TM9SF3: variants seen among roughly 807,000 people sequenced by gnomAD.
TM9SF3 encodes the protein transmembrane 9 superfamily member 3, also known as SM-11044-binding protein.
TM9SF3 carries 14 observed loss-of-function variants against 78.6 expected under a neutral mutation model. The observed-to-expected ratio is 0.18, with a 90% CI of 0.12 to 0.28. TM9SF3 has a LOEUF of 0.28. Among genes scored for constraint, TM9SF3 ranks in the 10% least tolerant of loss-of-function variants. The probability of loss-of-function intolerance (pLI) is 1.00; values close to 1 mark genes in which losing one functional copy is unlikely to be tolerated. For missense variants in TM9SF3, 496 were observed against 721.9 expected, an observed-to-expected ratio of 0.69 and a Z score of 3.59; for synonymous variants, 231 against 241.7, an observed-to-expected ratio of 0.96 and a Z score of 0.41.
Position 96,582,977 on chromosome 10 carries a change from G to A in TM9SF3, c.102+3757C>T, listed in dbSNP as rs148893730. On this transcript the variant is annotated intron_variant, in intron 1 of 14. Coordinates refer to ENST00000371142, the MANE Select transcript of TM9SF3 (RefSeq NM_020123.4). ...TGCCTGTAATCCCAGCTACTCAGGA[G>A]GCTGAGACAGGAGAATCGTTTGAAC... Among the ~76,000 whole-genome samples, 492 of 151,958 alleles carry A rather than the reference G, an allele frequency of 3.2e-3. 2 individuals carry two copies. Among genetic ancestry groups the A allele is most frequent in the African/African-American group, 0.011 (440 of 41,402 alleles).
chr10:96,522,222 GA>G lies in TM9SF3; in HGVS notation c.*40del, dbSNP rs766735419. The G allele has an allele frequency of 7.1e-6, 11 of 1,559,792 alleles. No individual in the cohort carries two copies. Among genetic ancestry groups the G allele is most frequent in the African/African-American group, 1.4e-5 (1 of 72,016 alleles). ...TTTGCTGTGCAAGTTCCACCCCTAT[GA>G]AAAAGAAATTGATCCAAAGTTCCAG... is the stretch of plus-strand genomic sequence containing the variant. On this transcript the variant is annotated 3_prime_UTR_variant, in exon 15 of 15. Transcript: ENST00000371142.
chr10:96,566,261 T>C lies in TM9SF3; in HGVS notation c.299-835A>G, dbSNP rs76650617. On this transcript the variant is annotated intron_variant, in intron 2 of 14. Coordinates refer to ENST00000371142, the MANE Select transcript of TM9SF3 (RefSeq NM_020123.4). Reference sequence around the variant, plus strand: ...AGCACAAGTTTGTTTTTAAGTTCTATACTATATTTGTACTATAATATTGGT... The same window carrying C: ...AGCACAAGTTTGTTTTTAAGTTCTACACTATATTTGTACTATAATATTGGT... Among the ~76,000 whole-genome samples, 71 of 152,380 alleles carry C rather than the reference T, an allele frequency of 4.7e-4. 1 individual carries two copies. Among genetic ancestry groups the C allele is most frequent in the African/African-American group, 1.6e-3 (65 of 41,600 alleles).
chr10:96,586,592 T>G (rs1009950850), intron 1 of TM9SF3, 142 bp downstream of exon 1: 1 of 643,074 alleles, frequency 1.6e-6, no homozygotes, highest in African/African-American at 1.9e-5. Flanking sequence ...AGGTTCCTGC[T>G]CCGCCAGGCC....
rs1326156080 is a variant in TM9SF3 at position 96,521,054 on chromosome 10, C to T, written c.*1209G>A. On this transcript the variant is annotated 3_prime_UTR_variant, in exon 15 of 15. Transcript: ENST00000371142. Reference sequence around the variant, plus strand: ...TTAGATGTTACTTAAGTGTCCCAGACAGGATTAACAAAATTAAGTGTCTCT... The same window carrying T: ...TTAGATGTTACTTAAGTGTCCCAGATAGGATTAACAAAATTAAGTGTCTCT... 2.6e-6 allele frequency: 1 copy of T among 391,846 alleles called. No homozygotes were observed. The highest frequency in any genetic ancestry group is 4.5e-6 in the Non-Finnish European group (1 of 221,068). 24.3% of individuals were successfully genotyped at this position (391,846 alleles called of 1,614,324 possible). A position where few individuals can be genotyped will look rare whatever the true frequency, so the allele number is the denominator to read the frequency against.
At chr10:96,580,146 G>T (rs993921849) in intron 1 of TM9SF3, among the ~76,000 whole-genome samples, 2 of 152,176 alleles carry the variant, frequency 1.3e-5, no homozygotes, top group African/African-American at 2.4e-5. Context: ...TCAGGCTACC[G>T]GCATTCTTCA....
At position 96,547,870 on chromosome 10, in the gene TM9SF3, C is replaced by T. The variant is rs1202298575; in HGVS notation, c.1054+25G>A. On this transcript the variant is annotated intron_variant, in intron 8 of 14. Transcript: ENST00000371142. ...AAATATTAGCATCTATAATTAACAA[C>T]ATGAAGTGAGAATTCGTAAGTTACC... The T allele has an allele frequency of 5.2e-6, 8 of 1,547,498 alleles. No homozygotes were observed. The African/African-American group carries it at 6.9e-5, about 13-fold the overall frequency.
intron 2 of TM9SF3, among the ~76,000 whole-genome samples, chr10:96,569,825 AG>A (rs1237912561): frequency 1.3e-5 from 2 of 152,172 alleles, no homozygotes; most frequent in Non-Finnish European, 2.9e-5. Context: ...CGAGGTCAGG[AG>A]ATCAAGACCA....
intron 1 of TM9SF3, among the ~76,000 whole-genome samples, chr10:96,579,296 C>T (rs562087628): frequency 1.1e-4 from 16 of 152,234 alleles, no homozygotes; most frequent in Middle Eastern, 3.4e-3. Flanking sequence ...TTGAATGAGA[C>T]GACCTATTAA....
At chr10:96,535,454 T>C (rs1847946448) in intron 9 of TM9SF3, among the ~76,000 whole-genome samples, 1 of 152,238 alleles carries the variant, frequency 6.6e-6, no homozygotes, top group Non-Finnish European at 1.5e-5. Flanking sequence ...ATTAGATTTG[T>C]ATTCATCACA....
chr10:96,586,613 G>A (rs1023846552), intron 1 of TM9SF3, 121 bp downstream of exon 1: 25 of 804,472 alleles, frequency 3.1e-5, no homozygotes, highest in Non-Finnish European at 3.9e-5. Flanking sequence ...CAACCGGAAG[G>A]AGTCCTCGGG....
chr10:96,558,368 G>A (rs887445143), intron 5 of TM9SF3, among the ~76,000 whole-genome samples: 3 of 152,076 alleles, frequency 2.0e-5, no homozygotes, highest in Non-Finnish European at 2.9e-5. Flanking sequence ...CAGGCAGGGC[G>A]CGGTGGCTCA....
chr10:96,526,309 A>G (rs1334589269), intron 14 of TM9SF3, among the ~76,000 whole-genome samples: 1 of 152,006 alleles, frequency 6.6e-6, no homozygotes. Flanking sequence ...GGTGCTTTAC[A>G]CACATGACAC....
chr10:96,557,452 C>T (rs1848247929), intron 5 of TM9SF3, among the ~76,000 whole-genome samples: 1 of 152,232 alleles, frequency 6.6e-6, no homozygotes, highest in African/African-American at 2.4e-5. Context: ...TCATCACCTA[C>T]CCTGCTACCA....
rs1847718737 is a variant in TM9SF3, at chr10:96,518,263, C to G, written c.*4000G>C. 6.6e-6 allele frequency: 1 copy of G among 152,056 alleles called. No homozygotes were observed. The highest frequency in any genetic ancestry group is 6.6e-5 in the Admixed American group (1 of 15,262). The allele number at this position is 152,056 out of a possible 1,614,324, so 9.4% of individuals were successfully genotyped here. ...GCCTATACGAACCAAAGAGTGTATA[C>G]AAAATGGAAGTGGTCATCAGGCAAT... On this transcript the variant is annotated 3_prime_UTR_variant, in exon 15 of 15. Transcript: ENST00000371142.
At chr10:96,583,544 C>T (rs1394683356) in intron 1 of TM9SF3, among the ~76,000 whole-genome samples, 1 of 152,096 alleles carries the variant, frequency 6.6e-6, no homozygotes, top group Non-Finnish European at 1.5e-5. Context: ...GGGAATAGAG[C>T]ATATGGCGGC....
At chr10:96,524,040 G>C (rs945666108) in intron 14 of TM9SF3, among the ~76,000 whole-genome samples, 1 of 151,676 alleles carries the variant, frequency 6.6e-6, no homozygotes, top group African/African-American at 2.4e-5. Flanking sequence ...AGAATAAAAG[G>C]GGGGGATACA....
Position 96,572,678 on chromosome 10 carries a change from C to G in TM9SF3, c.298+3956G>C, listed in dbSNP as rs77799879. ...AGTAGCTGGGACCACAAGCGCCCAC[C>G]ACCGTGCCCGGCGAATTTTTTTTGT... On this transcript the variant is annotated intron_variant, in intron 2 of 14. Coordinates refer to ENST00000371142, the MANE Select transcript of TM9SF3 (RefSeq NM_020123.4). Among the ~76,000 whole-genome samples, 54 of 152,048 alleles carry G rather than the reference C, an allele frequency of 3.6e-4. No homozygotes were observed. The East Asian group carries it at 0.01, about 29-fold the overall frequency.
In TM9SF3 at chr10:96,544,195, T is replaced by C; in HGVS notation, c.1066A>G (p.Ile356Val). 4 of 1,580,630 alleles carry C rather than the reference T, an allele frequency of 2.5e-6. No homozygotes were observed. The highest frequency in any genetic ancestry group is 2.6e-6 in the Non-Finnish European group (3 of 1,168,244). Residue 356 changes from isoleucine (I) to valine (V), a missense_variant, in exon 9 of 15, where the codon ATA (isoleucine) becomes GTA (valine). By Grantham distance (29) the Ile-to-Val change is conservative. Around this residue, in one of 4 missense-constraint regions of TM9SF3, gnomAD observed 280 missense variants for 422.6 expected, o/e 0.66. Transcript: ENST00000371142. ...AATGCCCCAATAAACATCTGCTTTA[T>C]CCATCTCCTTCCTGAAAAGAAAGGA... is the stretch of plus-strand genomic sequence containing the variant. ...LYARQGGRRW[I>V]KQMFIGAFLI...
chr10:96,538,412 G>A (rs1285872925), intron 9 of TM9SF3, among the ~76,000 whole-genome samples: 1 of 151,950 alleles, frequency 6.6e-6, no homozygotes, highest in African/African-American at 2.4e-5. Flanking sequence ...AAATTTAAGA[G>A]CTAAAACTAT....
Sources: allele counts gnomAD v4.1 joint callset (sites outside exome capture counted in the v4.1 genomes callset), GRCh38; gene constraint gnomAD v4.1.1; regional missense constraint gnomAD v4.1.1; transcripts MANE v1.5; gene names NCBI Gene and HGNC (gene_info 2026-07-23, HGNC 2026-07-21).